ENTPD4: variants seen among roughly 807,000 people sequenced by gnomAD.
ENTPD4 encodes Golgi UDPase.
A neutral mutation model predicts 79.1 loss-of-function variants in ENTPD4; 60 were observed. The observed-to-expected ratio is 0.76, with a 90% CI of 0.62 to 0.94. The LOEUF (loss-of-function observed/expected upper bound fraction) is 0.94, where lower values mean the gene tolerates loss of function less well. Ranked by LOEUF, ENTPD4 falls within the 40% of genes least tolerant of loss-of-function variation. The probability of loss-of-function intolerance (pLI) is 0.00; values close to 1 mark genes in which losing one functional copy is unlikely to be tolerated. For missense variants in ENTPD4, 772 were observed against 775.1 expected, an observed-to-expected ratio of 1.00 and a Z score of 0.05; for synonymous variants, 276 against 292.0, an observed-to-expected ratio of 0.95 and a Z score of 0.56.
rs748417455 is a variant in ENTPD4, at chr8:23,441,573, T to C, written c.878A>G (p.Gln293Arg). ...GAAATTTGTACAGATAATGACCTGC[T>C]GTGAGGACGCAAAGCTTACAGTTTT... ...VPKTVSFASS[Q>R]QEEVAKNLLA... The change falls in exon 8 of 13, where the codon CAG becomes CGG. Residue 293 changes from glutamine to arginine, a missense_variant. Physicochemically the swap from Gln to Arg is conservative, Grantham distance 43. Transcript: ENST00000358689. The C allele has an allele frequency of 3.5e-5, 56 of 1,613,938 alleles. No individual in the cohort carries two copies. Among genetic ancestry groups the C allele is most frequent in the Non-Finnish European group, 4.6e-5 (54 of 1,179,958 alleles).
chr8:23,432,303 T>G lies in ENTPD4; in HGVS notation c.*623A>C. 2 of 985,440 alleles carry G rather than the reference T, an allele frequency of 2.0e-6. No homozygotes were observed. The highest frequency in any genetic ancestry group is 9.4e-5 in the South Asian group (2 of 21,286). The allele number at this position is 985,440 out of a possible 1,614,324, so 61.0% of individuals were successfully genotyped here. ...CCCTCTCCACTGACAGAATGCATCT[T>G]TCCACCTCCCTCCAGTATCAAAGTG... On this transcript the variant is annotated 3_prime_UTR_variant, in exon 13 of 13. Coordinates refer to ENST00000358689, the MANE Select transcript of ENTPD4 (RefSeq NM_004901.5).
At chr8:23,436,842 T>C (rs759648305) in intron 10 of ENTPD4, 92 bp downstream of exon 10, 26 of 1,029,274 alleles carry the variant, frequency 2.5e-5, no homozygotes, top group Non-Finnish European at 3.5e-5. Flanking sequence ...TACTCCGTCT[T>C]TCCCTGTCAA....
At position 23,434,358 on chromosome 8, in the gene ENTPD4, G is replaced by A. The variant is rs369592406; in HGVS notation, c.1581C>T (p.Thr527=). The A allele has an allele frequency of 3.1e-6, 5 of 1,614,032 alleles. No individual in the cohort carries two copies. The highest frequency in any genetic ancestry group is 4.2e-6 in the Non-Finnish European group (5 of 1,180,040). Residue 527 remains threonine, a synonymous_variant, in exon 12 of 13, where the codon ACC becomes ACT. Transcript: ENST00000358689. The stretch of plus-strand genomic sequence containing the variant: ...GGGTCCTGTAGAGGATGGCTCCAAG[G>A]GTCCACTGAACCTCCTTGTCGTAAA... ...LQVYDKEVQW[T]LGAILYRTRF... is the part of the protein sequence containing the mutation.
chr8:23,444,317 G>T, intron 5 of ENTPD4, 139 bp downstream of exon 5: 1 of 783,362 alleles, frequency 1.3e-6, no homozygotes, highest in Non-Finnish European at 2.1e-6. Context: ...TACTGTTACA[G>T]ACTTGAAGAA....
intron 11 of ENTPD4, 34 bp from the exon 12 acceptor site, chr8:23,434,512 G>A (rs768043313): frequency 2.5e-6 from 4 of 1,610,492 alleles, no homozygotes; most frequent in Non-Finnish European, 3.4e-6. Flanking sequence ...AAGTCAGACT[G>A]ACTCACTCTG....
chr8:23,442,537 A>T (rs1262867616), intron 6 of ENTPD4, among the ~76,000 whole-genome samples: 1 of 152,118 alleles, frequency 6.6e-6, no homozygotes, highest in Non-Finnish European at 1.5e-5. Flanking sequence ...TACAAAAATT[A>T]GTTGGGCATG....
intron 4 of ENTPD4, among the ~76,000 whole-genome samples, chr8:23,445,671 T>C (rs967401210): frequency 2.6e-5 from 4 of 152,232 alleles, no homozygotes; most frequent in Non-Finnish European, 5.9e-5. Context: ...CCATGCTTAC[T>C]TCCTTTTGCT....
chr8:23,455,800 A>G (rs1054898923), intron 1 of ENTPD4, among the ~76,000 whole-genome samples: 1 of 152,178 alleles, frequency 6.6e-6, no homozygotes, highest in Non-Finnish European at 1.5e-5. Flanking sequence ...AAACTCTAAT[A>G]CCACCCTCCA....
At chr8:23,449,065 T>C in intron 2 of ENTPD4, 126 bp from the exon 3 acceptor site, 2 of 692,728 alleles carry the variant, frequency 2.9e-6, no homozygotes, top group Non-Finnish European at 4.9e-6. Context: ...GGTATCTGTA[T>C]ACTGGCATCT....
chr8:23,431,141 G>T lies in ENTPD4; in HGVS notation c.*1785C>A. 2 of 372,070 alleles carry T rather than the reference G, an allele frequency of 5.4e-6. No homozygotes were observed. The highest frequency in any genetic ancestry group is 7.4e-6 in the Non-Finnish European group (2 of 269,688). The allele number at this position is 372,070 out of a possible 1,614,324, so 23.0% of individuals were successfully genotyped here. On this transcript the variant is annotated 3_prime_UTR_variant, in exon 13 of 13. Coordinates refer to ENST00000358689, the MANE Select transcript of ENTPD4 (RefSeq NM_004901.5). Reference sequence around the variant, plus strand: ...GCCACAACTGGGACAGAATTCCCTTGGTCTTCTCTTCTGATCCCTCAGCAG... The same window carrying T: ...GCCACAACTGGGACAGAATTCCCTTTGTCTTCTCTTCTGATCCCTCAGCAG...
chr8:23,435,920 G>A (rs1800548839), intron 10 of ENTPD4, among the ~76,000 whole-genome samples: 1 of 152,174 alleles, frequency 6.6e-6, no homozygotes, highest in Non-Finnish European at 1.5e-5. Flanking sequence ...CACTTTTCTT[G>A]AAGTTATTTG....
At chr8:23,451,171 G>A (rs566431401) in intron 1 of ENTPD4, among the ~76,000 whole-genome samples, 46 of 151,960 alleles carry the variant, frequency 3.0e-4, no homozygotes, top group African/African-American at 1.1e-3. Context: ...ACAGGCGCCC[G>A]TCACCACTCC....
At chr8:23,445,691 T>C (rs1800753029) in intron 4 of ENTPD4, among the ~76,000 whole-genome samples, 1 of 152,228 alleles carries the variant, frequency 6.6e-6, no homozygotes. Context: ...TAGATGTACA[T>C]TCATTACACC....
chr8:23,444,027 TAAAC>T (rs972436902), intron 5 of ENTPD4, 74 bp from the exon 6 acceptor site: 263 of 1,050,462 alleles, frequency 2.5e-4, no homozygotes, highest in Admixed American at 1.1e-3. Flanking sequence ...AGGAAAAAAA[TAAAC>T]AAACAAAAAA....
rs1417067196 is a variant in ENTPD4, at chr8:23,429,911, C to T, written c.*3015G>A. 1.0e-6 allele frequency: 1 copy of T among 985,292 alleles called. No homozygotes were observed. Among genetic ancestry groups the T allele is most frequent in the Non-Finnish European group, 1.2e-6 (1 of 829,920 alleles). The allele number at this position is 985,292 out of a possible 1,614,324, so 61.0% of individuals were successfully genotyped here. A position where few individuals can be genotyped will look rare whatever the true frequency, so the allele number is the denominator to read the frequency against. On this transcript the variant is annotated 3_prime_UTR_variant, in exon 13 of 13. Transcript: ENST00000358689. Reference sequence around the variant, plus strand: ...GGATTGTGAAATGTCTGAGAACATCCCCTGGAGGAGGTTTAAAAGTGAGAA... The same window carrying T: ...GGATTGTGAAATGTCTGAGAACATCTCCTGGAGGAGGTTTAAAAGTGAGAA...
intron 3 of ENTPD4, among the ~76,000 whole-genome samples, chr8:23,448,317 A>C (rs902676621): frequency 2.0e-5 from 3 of 152,166 alleles, no homozygotes; most frequent in African/African-American, 7.2e-5. Context: ...CAGTTCCTTA[A>C]ATTCCAATCT....
rs1800572814 is a variant in ENTPD4 at position 23,436,936 on chromosome 8, T to C, written c.1372A>G (p.Lys458Glu). 1 of 1,583,810 alleles carries C rather than the reference T, an allele frequency of 6.3e-7. No homozygotes were observed. The highest frequency in any genetic ancestry group is 8.6e-7 in the Non-Finnish European group (1 of 1,164,356). The change falls in exon 10 of 13, where the codon AAG becomes GAG. Residue 458 changes from lysine to glutamate, a missense_variant and splice_region_variant. Transcript: ENST00000358689. ...CAGACGGCGTCTCTCAAGGGTACCT[T>C]TGCAGCTTTAGTAAATTTAGCAGCA... Reference protein sequence around the residue: ...YNAAKFTKAAKDYCATKWSIL... With the variant: ...YNAAKFTKAAEDYCATKWSIL...
rs201149309 is a variant in ENTPD4 at position 23,433,081 on chromosome 8, G to C, written c.1696C>G (p.Leu566Val). 786 of 1,614,202 alleles carry C rather than the reference G, an allele frequency of 4.9e-4. 13 individuals are homozygous for C. The South Asian group carries it at 8.1e-3, about 17-fold the overall frequency. The change falls in exon 13 of 13, where the codon CTG becomes GTG. Residue 566 changes from leucine (L) to valine (V), a missense_variant. Physicochemically the swap from Leu to Val is conservative, Grantham distance 32. Transcript: ENST00000358689. ...RGVSFVYNHY[L>V]FSGCFLVVLL... The stretch of plus-strand genomic sequence containing the variant: ...ACCACCAGGAAGCAGCCAGAGAACA[G>C]GTAGTGGTTGTAGACAAAGGAAACG...
chr8:23,438,407 CTTAAT>C (rs1800609226), intron 9 of ENTPD4, among the ~76,000 whole-genome samples: 1 of 152,156 alleles, frequency 6.6e-6, no homozygotes, highest in Non-Finnish European at 1.5e-5. Context: ...AAAATGTTCG[CTTAAT>C]TTAAAAAAAT....
Sources: gnomAD v4.1 joint callset for allele counts (sites outside exome capture counted in the v4.1 genomes callset) on GRCh38, gnomAD v4.1.1 for gene constraint, MANE v1.5 for transcripts, NCBI Gene and HGNC (gene_info 2026-07-23, HGNC 2026-07-21) for gene names.